ABHD3: variants seen among roughly 807,000 people sequenced by gnomAD.
ABHD3 encodes abhydrolase domain containing 3, phospholipase.
Under a neutral mutation model 48.8 loss-of-function variants are expected in ABHD3, and 46 were observed. That is an observed-to-expected ratio of 0.94 (90% CI 0.74 to 1.20). ABHD3 has a LOEUF of 1.20. Ranked by LOEUF, ABHD3 falls within the 50% of genes most tolerant of loss-of-function variation. The pLI, the probability that ABHD3 is intolerant of heterozygous loss-of-function variation, is 0.00. For missense variants in ABHD3, 490 were observed against 497.8 expected (o/e 0.98, Z 0.15); for synonymous variants, 192 against 183.7 (o/e 1.04, Z -0.36).
intron 3 of ABHD3, among the ~76,000 whole-genome samples, chr18:21,697,627 C>A (rs9946215): frequency 6.6e-6 from 1 of 152,194 alleles, no homozygotes; most frequent in South Asian, 2.1e-4. Context: ...GTGATCCACC[C>A]GCCTCGGCCT....
At chr18:21,651,846 T>C in intron 8 of ABHD3, 83 bp from the exon 9 acceptor site, 2 of 1,255,364 alleles carry the variant, frequency 1.6e-6, no homozygotes, top group Non-Finnish European at 2.2e-6. Context: ...AGGAAAAGCA[T>C]ATACCTTTAT....
At chr18:21,663,854 C>T (rs1217544481) in intron 5 of ABHD3, 3 of 1,503,336 alleles carry the variant, frequency 2.0e-6, no homozygotes, top group Admixed American at 2.2e-5. Context: ...GTGATGCAAT[C>T]GACTTCATGG....
At chr18:21,662,906 ATGAT>A (rs2039534990) in intron 5 of ABHD3, among the ~76,000 whole-genome samples, 1 of 152,186 alleles carries the variant, frequency 6.6e-6, no homozygotes, top group African/African-American at 2.4e-5. Context: ...ATGCGTTTAT[ATGAT>A]TAAGGGAAAA....
chr18:21,687,388 T>G (rs2040151423), intron 3 of ABHD3, among the ~76,000 whole-genome samples: 1 of 151,760 alleles, frequency 6.6e-6, no homozygotes, highest in Non-Finnish European at 1.5e-5. Flanking sequence ...TTTTGTATTT[T>G]TTTTAGTAGC....
intron 3 of ABHD3, among the ~76,000 whole-genome samples, chr18:21,693,148 A>G (rs2040290693): frequency 6.6e-6 from 1 of 152,200 alleles, no homozygotes; most frequent in Admixed American, 6.5e-5. Flanking sequence ...ATCTGACCAG[A>G]TTACAACAGT....
intron 4 of ABHD3, among the ~76,000 whole-genome samples, chr18:21,670,563 GCT>G (rs1208209519): frequency 6.6e-6 from 1 of 152,136 alleles, no homozygotes; most frequent in Non-Finnish European, 1.5e-5. Flanking sequence ...AATCCTTCCA[GCT>G]CTGTATTTTA....
chr18:21,651,495 C>T lies in ABHD3; in HGVS notation c.*96G>A, dbSNP rs1426198281. On this transcript the variant is annotated 3_prime_UTR_variant, in exon 9 of 9. Transcript: ENST00000289119. ...CTGGACCTCTTCACCCATCTGCTGG[C>T]TTATTTGCTTTATATACAACAGTTA... 1 of 1,429,538 alleles carries T rather than the reference C, an allele frequency of 7.0e-7. No homozygotes were observed. Among genetic ancestry groups the T allele is most frequent in the Non-Finnish European group, 9.5e-7 (1 of 1,051,064 alleles). The allele number at this position is 1,429,538 out of a possible 1,614,324, so 88.6% of individuals were successfully genotyped here. A position where few individuals can be genotyped will look rare whatever the true frequency, so the allele number is the denominator to read the frequency against.
At chr18:21,676,220 G>C (rs189061419) in intron 4 of ABHD3, among the ~76,000 whole-genome samples, 1 of 152,158 alleles carries the variant, frequency 6.6e-6, no homozygotes. Flanking sequence ...GCTGACCTGG[G>C]AGTCAAAACC....
chr18:21,676,802 A>G (rs2146308769), intron 4 of ABHD3, among the ~76,000 whole-genome samples: 1 of 152,208 alleles, frequency 6.6e-6, no homozygotes. Flanking sequence ...GCTGCTTTAA[A>G]TTATTTTCCA....
At chr18:21,682,404 C>T (rs528162398) in intron 4 of ABHD3, 4 of 152,328 alleles carry the variant, frequency 2.6e-5, no homozygotes, top group African/African-American at 9.7e-5. Context: ...AACGCTACCT[C>T]CTCTCTAAGC....
In ABHD3 at chr18:21,689,549, C is replaced by CAAAAAAAAAAA. The variant is rs36011228; in HGVS notation, c.510-5595_510-5585dup. Among the ~76,000 whole-genome samples the CAAAAAAAAAAA allele has an allele frequency of 1.7e-4, 7 of 41,810 alleles. No individual in the cohort carries two copies. In the Admixed American group the frequency reaches 1.9e-3, roughly 11 times the overall value. The allele number at this position is 41,810 out of a possible 152,430, so 27.4% of individuals were successfully genotyped here. A position where few individuals can be genotyped will look rare whatever the true frequency, so the allele number is the denominator to read the frequency against. ...GGGCAACAAGGGTGAAATCTGGTCTCAAAAAAAAAAAAAAAAAAAAAAAAA... is the reference window on the plus strand; with the variant it reads ...GGGCAACAAGGGTGAAATCTGGTCTCAAAAAAAAAAAAAAAAAAAAAAAAAAAAAAAAAAAA... On this transcript the variant is annotated intron_variant, in intron 3 of 8. Transcript: ENST00000289119.
At chr18:21,654,862 A>G (rs552305727) in intron 8 of ABHD3, 3 of 152,250 alleles carry the variant, frequency 2.0e-5, no homozygotes, top group Non-Finnish European at 4.4e-5. Context: ...AATAGGAAAT[A>G]ATGAGTTCAA....
intron 4 of ABHD3, among the ~76,000 whole-genome samples, chr18:21,665,118 C>T (rs1281171941): frequency 2.0e-5 from 3 of 151,468 alleles, no homozygotes; most frequent in African/African-American, 7.3e-5. Context: ...CTAATTTTTG[C>T]ATTTTTAGTA....
At chr18:21,692,729 T>C (rs1377336176) in intron 3 of ABHD3, among the ~76,000 whole-genome samples, 1 of 152,224 alleles carries the variant, frequency 6.6e-6, no homozygotes, top group African/African-American at 2.4e-5. Flanking sequence ...GCTTTAGCTG[T>C]GATCCTAAAA....
intron 3 of ABHD3, among the ~76,000 whole-genome samples, chr18:21,686,224 A>G (rs1423166440): frequency 6.6e-6 from 1 of 152,240 alleles, no homozygotes. Flanking sequence ...CTTGCTAAAA[A>G]CAATGGCAAG....
chr18:21,691,728 C>A (rs2040256080), intron 3 of ABHD3, among the ~76,000 whole-genome samples: 1 of 152,170 alleles, frequency 6.6e-6, no homozygotes, highest in Non-Finnish European at 1.5e-5. Context: ...ATTTGCCTGT[C>A]ATGTCTTGAA....
intron 4 of ABHD3, among the ~76,000 whole-genome samples, chr18:21,678,638 C>A (rs1360802945): frequency 3.3e-5 from 5 of 151,772 alleles, no homozygotes; most frequent in Non-Finnish European, 7.4e-5. Flanking sequence ...TATTCCTAAA[C>A]TAAGTTTACA....
intron 4 of ABHD3, among the ~76,000 whole-genome samples, chr18:21,670,720 A>C (rs1452648521): frequency 2.6e-5 from 4 of 152,138 alleles, no homozygotes; most frequent in Non-Finnish European, 5.9e-5. Flanking sequence ...GCATGGAATA[A>C]ATGTCACAAG....
At chr18:21,700,996 A>C (rs2040500511) in intron 3 of ABHD3, among the ~76,000 whole-genome samples, 1 of 149,962 alleles carries the variant, frequency 6.7e-6, no homozygotes, top group African/African-American at 2.5e-5. Context: ...CTCACATCTA[A>C]CTGTATGGTG....
Sources: allele counts gnomAD v4.1 joint callset (sites outside exome capture counted in the v4.1 genomes callset), GRCh38; gene constraint gnomAD v4.1.1; transcripts MANE v1.5; gene names NCBI Gene and HGNC (gene_info 2026-07-23, HGNC 2026-07-21).